The following ANK2 variants were observed in gnomAD, a reference collection of about 807,000 sequenced individuals.
ANK2 encodes ankyrin 2, also known as ankyrin-2.
Under a neutral mutation model 360.5 loss-of-function variants are expected in ANK2, and 83 were observed. The observed-to-expected ratio is 0.23, with a 90% CI of 0.19 to 0.28. ANK2 has a LOEUF of 0.28. ANK2 is among the 10% of genes least tolerant of loss of function. ANK2 has a pLI of 1.00. For missense variants in ANK2, 4,201 were observed against 4,795.7 expected (o/e 0.88, Z 3.66); for synonymous variants, 1,740 against 1,759.5 (o/e 0.99, Z 0.28).
At chr4:112,812,692 T>A in the ANK2 span, among the ~76,000 whole-genome samples, 3 of 152,216 alleles carry the variant, frequency 2.0e-5, no homozygotes, top group Non-Finnish European at 4.4e-5. Flanking sequence ...TGTTTCAAGC[T>A]AAGTTTGGCA....
intron 1 of ANK2, among the ~76,000 whole-genome samples, chr4:112,877,303 C>A (rs573429048): frequency 5.4e-4 from 82 of 152,330 alleles, no homozygotes; most frequent in African/African-American, 1.8e-3. Flanking sequence ...GGAGAATGTT[C>A]TGCTGTCTGC....
chr4:112,997,760 C>T (rs1454217607), intron 2 of ANK2, among the ~76,000 whole-genome samples: 1 of 151,568 alleles, frequency 6.6e-6, no homozygotes, highest in East Asian at 1.9e-4. Flanking sequence ...TATATATACA[C>T]ACACATATAT....
At chr4:113,082,973 G>C (rs925583359) in intron 1 of ANK2, among the ~76,000 whole-genome samples, 10 of 152,062 alleles carry the variant, frequency 6.6e-5, no homozygotes, top group African/African-American at 2.4e-4. Context: ...TGGCAGCCTG[G>C]GCAAGCAGTC....
rs2099388932 is a variant in ANK2, at chr4:113,237,033, A to T, written c.530A>T (p.Gln177Leu). 1.9e-6 allele frequency: 3 copies of T among 1,614,106 alleles called. No homozygotes were observed. The highest frequency in any genetic ancestry group is 2.7e-5 in the African/African-American group (2 of 74,944). The stretch of plus-strand genomic sequence containing the variant: ...GTGGCACTCCAGCAAGGACACAACC[A>T]GGCGGTGGCCATCCTCTTGGAGAAT... ...LAVALQQGHN[Q>L]AVAILLENDT... is the part of the protein sequence containing the mutation. Residue 177 changes from glutamine (Q) to leucine (L), a missense_variant, in exon 6 of 46, where the codon CAG (glutamine) becomes CTG (leucine). Physicochemically the swap from Gln to Leu is moderately radical, Grantham distance 113. Transcript: ENST00000357077.
intron 35 of ANK2, chr4:113,347,950 A>G (rs941138135): frequency 2.1e-5 from 7 of 339,084 alleles, no homozygotes; most frequent in African/African-American, 6.2e-5. Flanking sequence ...TTGGGATATT[A>G]TCATCACTAT....
chr4:112,759,094 A>C, the ANK2 span, among the ~76,000 whole-genome samples: 1 of 152,118 alleles, frequency 6.6e-6, no homozygotes, highest in African/African-American at 2.4e-5. Context: ...TTTTCATTTA[A>C]AAAATACTAT....
Position 113,156,780 on chromosome 4 carries a change from CTATATA to C in ANK2, c.85-17624_85-17619del, listed in dbSNP as rs10599338. Among the ~76,000 whole-genome samples, 40 of 148,200 alleles carry C rather than the reference CTATATA, an allele frequency of 2.7e-4. 1 individual carries two copies. Among genetic ancestry groups the C allele is most frequent in the Admixed American group, 5.4e-4 (8 of 14,780 alleles). On this transcript the variant is annotated intron_variant, in intron 1 of 45. Transcript: ENST00000357077. ...TCTTTTATAGTCATTTTCAAATGTC[CTATATA>C]TATATATATATTATATATATAAAAT...
At chr4:112,913,128 T>C (rs1303783787) in intron 2 of ANK2, among the ~76,000 whole-genome samples, 2 of 152,200 alleles carry the variant, frequency 1.3e-5, no homozygotes, top group African/African-American at 4.8e-5. Flanking sequence ...GAGTTCTTCA[T>C]ATCTATTGTT....
chr4:113,237,223 T>A, intron 6 of ANK2, 51 bp downstream of exon 6: 1 of 1,564,566 alleles, frequency 6.4e-7, no homozygotes, highest in Non-Finnish European at 8.8e-7. Context: ...GCTGCCAGAC[T>A]CCTCCTGGGG....
At chr4:112,858,766 A>G (rs2067086379) in intron 1 of ANK2, among the ~76,000 whole-genome samples, 1 of 152,156 alleles carries the variant, frequency 6.6e-6, no homozygotes, top group Non-Finnish European at 1.5e-5. Context: ...CTTTCTCTTC[A>G]CATTGTAGGT....
intron 41 of ANK2, 43 bp from the exon 42 acceptor site, chr4:113,367,523 A>G (rs2096581152): frequency 6.3e-7 from 1 of 1,581,672 alleles, no homozygotes; most frequent in Non-Finnish European, 8.7e-7. Context: ...TCCATTCAAT[A>G]TAGGTAAGCT....
chr4:113,259,922 A>G (rs2051788791), intron 13 of ANK2, among the ~76,000 whole-genome samples: 1 of 151,906 alleles, frequency 6.6e-6, no homozygotes, highest in African/African-American at 2.4e-5. Flanking sequence ...AAGCAAACAA[A>G]CAAAAAACCG....
chr4:113,053,425 G>A (rs1053918156), intron 1 of ANK2, among the ~76,000 whole-genome samples: 9 of 152,250 alleles, frequency 5.9e-5, no homozygotes, highest in African/African-American at 9.6e-5. Context: ...ATTGCCCAAG[G>A]TGCAGATTTG....
Position 113,318,640 on chromosome 4 carries a change from G to A in ANK2, c.2900+20G>A. On this transcript the variant is annotated intron_variant, in intron 26 of 45. Coordinates refer to ENST00000357077, the MANE Select transcript of ANK2 (RefSeq NM_001148.6). ...TTCAGGGTGAGTAAATCAATATTAT[G>A]TATCCTGATCAAGAGGTAAAAAGAG... 6.4e-7 allele frequency: 1 copy of A among 1,572,896 alleles called. No individual in the cohort carries two copies. The highest frequency in any genetic ancestry group is 8.7e-7 in the Non-Finnish European group (1 of 1,147,640).
At chr4:113,197,009 G>T (rs1268757751) in intron 3 of ANK2, among the ~76,000 whole-genome samples, 2 of 152,082 alleles carry the variant, frequency 1.3e-5, no homozygotes, top group Non-Finnish European at 2.9e-5. Flanking sequence ...TTCCCCCTTC[G>T]ATTCACAGAG....
At chr4:113,191,933 G>T (rs937239966) in intron 2 of ANK2, among the ~76,000 whole-genome samples, 2 of 152,124 alleles carry the variant, frequency 1.3e-5, no homozygotes, top group African/African-American at 4.8e-5. Context: ...ACACGATTTA[G>T]CCAATATTCT....
At chr4:112,779,351 T>C in the ANK2 span, among the ~76,000 whole-genome samples, 352 of 152,286 alleles carry the variant, frequency 2.3e-3, no homozygotes, top group Non-Finnish European at 4.2e-3. Flanking sequence ...ACCCCGTCTC[T>C]ACTGAAAAAT....
chr4:113,050,993 A>C (rs1282463992), intron 1 of ANK2, among the ~76,000 whole-genome samples: 4 of 152,176 alleles, frequency 2.6e-5, no homozygotes, highest in African/African-American at 4.8e-5. Context: ...TAAGCATGTG[A>C]TGATTTTTAA....
chr4:113,240,426 A>C, intron 7 of ANK2, 59 bp from the exon 8 acceptor site: 1 of 1,309,744 alleles, frequency 7.6e-7, no homozygotes. Flanking sequence ...CACTAATACA[A>C]TGGCTGCAAC....
Sources: gnomAD v4.1 joint callset for allele counts (sites outside exome capture counted in the v4.1 genomes callset) on GRCh38, gnomAD v4.1.1 for gene constraint, MANE v1.5 for transcripts, NCBI Gene and HGNC (gene_info 2026-07-23, HGNC 2026-07-21) for gene names.